ST18: variants seen among roughly 807,000 people sequenced by gnomAD.
The protein encoded by ST18 is suppression of tumorigenicity 18 protein.
Under a neutral mutation model 110.0 loss-of-function variants are expected in ST18, and 50 were observed. The observed-to-expected ratio is 0.45, with a 90% CI of 0.36 to 0.58. ST18 has a LOEUF of 0.58. Among genes scored for constraint, ST18 ranks in the 20% least tolerant of loss-of-function variants. The pLI is 0.00. For missense variants in ST18, 1,306 were observed against 1,280.1 expected (o/e 1.02, Z -0.31); for synonymous variants, 461 against 452.4 (o/e 1.02, Z -0.24).
chr8:52,130,159 G>GAAAGAAAGAAAGAAAGA (rs2048959250), intron 22 of ST18, among the ~76,000 whole-genome samples: 1 of 148,572 alleles, frequency 6.7e-6, no homozygotes, highest in East Asian at 1.9e-4. Context: ...AAGAAAGAAA[G>GAAAGAAAGAAAGAAAGA]AAAGAAAAAG....
intron 2 of ST18, among the ~76,000 whole-genome samples, chr8:52,374,516 C>T (rs112367375): frequency 0.027 from 4,159 of 151,780 alleles, 172 homozygotes; most frequent in African/African-American, 0.093. Context: ...TATTTTATTT[C>T]ATTTCATTTC....
At chr8:52,315,357 A>G (rs1257467849) in intron 2 of ST18, among the ~76,000 whole-genome samples, 1 of 152,164 alleles carries the variant, frequency 6.6e-6, no homozygotes, top group Non-Finnish European at 1.5e-5. Flanking sequence ...TGACCCATCA[A>G]CCTGGGAGGT....
chr8:52,133,514 T>C (rs184682994), intron 19 of ST18, among the ~76,000 whole-genome samples: 4 of 152,226 alleles, frequency 2.6e-5, no homozygotes, highest in African/African-American at 9.6e-5. Context: ...AATTATCTTT[T>C]GGTTAATAAT....
chr8:52,300,442 T>C (rs1053672360), intron 2 of ST18, among the ~76,000 whole-genome samples: 2 of 152,218 alleles, frequency 1.3e-5, no homozygotes, highest in African/African-American at 2.4e-5. Flanking sequence ...CAGAGAATTA[T>C]ATGTAGCTAT....
chr8:52,322,470 T>G (rs959391893), intron 2 of ST18, among the ~76,000 whole-genome samples: 1 of 152,224 alleles, frequency 6.6e-6, no homozygotes, highest in Non-Finnish European at 1.5e-5. Context: ...ACCGACTTGT[T>G]TACATCAGAA....
At chr8:52,343,932 G>T (rs1437754194) in intron 2 of ST18, among the ~76,000 whole-genome samples, 1 of 152,138 alleles carries the variant, frequency 6.6e-6, no homozygotes, top group Non-Finnish European at 1.5e-5. Context: ...AACACACAGT[G>T]TGGCTATGCT....
chr8:52,351,136 A>G (rs1045529284), intron 2 of ST18, among the ~76,000 whole-genome samples: 3 of 152,170 alleles, frequency 2.0e-5, no homozygotes, highest in African/African-American at 7.2e-5. Context: ...ATAAATATCA[A>G]AATATATTTA....
rs10283020 is a variant in ST18 at position 52,268,544 on chromosome 8, A to G, written c.-464-38467T>C. ...CTATCTTACTATCTATCATCTATCTATCTATTTATCTATCTATCATCTATC... is the reference window on the plus strand; with the variant it reads ...CTATCTTACTATCTATCATCTATCTGTCTATTTATCTATCTATCATCTATC... On this transcript the variant is annotated intron_variant, in intron 2 of 25. Transcript: ENST00000689386. Among the ~76,000 whole-genome samples, 1,490 of 150,376 alleles carry G rather than the reference A, an allele frequency of 9.9e-3. 21 individuals carry two copies. The highest frequency in any genetic ancestry group is 0.034 in the African/African-American group (1,402 of 40,694).
chr8:52,305,710 C>T (rs2095801396), intron 2 of ST18, among the ~76,000 whole-genome samples: 1 of 152,168 alleles, frequency 6.6e-6, no homozygotes, highest in Admixed American at 6.5e-5. Context: ...GGTGTATCAG[C>T]AAATCCTCTG....
intron 10 of ST18, among the ~76,000 whole-genome samples, chr8:52,170,132 G>GA (rs1163463947): frequency 3.6e-4 from 55 of 152,158 alleles, no homozygotes; most frequent in Non-Finnish European, 6.9e-4. Context: ...TACTTAGAAA[G>GA]AAAAAAATGA....
rs144303136 is a variant in ST18, at chr8:52,114,786, A to G, written c.3004-1448T>C. Among the ~76,000 whole-genome samples the G allele has an allele frequency of 1.1e-3, 175 of 152,236 alleles. 1 individual carries two copies. The highest frequency in any genetic ancestry group is 2.3e-3 in the Non-Finnish European group (158 of 68,016). On this transcript the variant is annotated intron_variant, in intron 25 of 25. Transcript: ENST00000689386. ...AATTAAGTAAGCTCTCCGAGCCCTGATTTCCTCAACTATGGAATGGGAATA... is the reference window on the plus strand; with the variant it reads ...AATTAAGTAAGCTCTCCGAGCCCTGGTTTCCTCAACTATGGAATGGGAATA...
At chr8:52,342,642 A>G (rs1278003608) in intron 2 of ST18, among the ~76,000 whole-genome samples, 2 of 152,130 alleles carry the variant, frequency 1.3e-5, no homozygotes, top group Non-Finnish European at 2.9e-5. Flanking sequence ...TGCAAGAAGC[A>G]CTCTGATGCA....
rs1302504666 is a variant in ST18 at position 52,396,256 on chromosome 8, A to G, written c.-465+13072T>C. Among the ~76,000 whole-genome samples the G allele has an allele frequency of 7.9e-5, 12 of 152,218 alleles. No homozygotes were observed. The East Asian group carries it at 2.1e-3, about 27-fold the overall frequency. On this transcript the variant is annotated intron_variant, in intron 2 of 25. Transcript: ENST00000689386. ...AGACTTTTTCATTCTACATATGACT[A>G]CTTTATTTTTTTGACCTACATCTCC... is the stretch of plus-strand genomic sequence containing the variant.
At chr8:52,184,254 A>G (rs2071076343) in intron 8 of ST18, among the ~76,000 whole-genome samples, 1 of 152,208 alleles carries the variant, frequency 6.6e-6, no homozygotes, top group South Asian at 2.1e-4. Flanking sequence ...AAGAGAAAAA[A>G]TACACTCAGC....
chr8:52,337,219 A>T (rs750183457), intron 2 of ST18, among the ~76,000 whole-genome samples: 19 of 152,224 alleles, frequency 1.2e-4, no homozygotes, highest in Non-Finnish European at 2.5e-4. Context: ...ACAATGTGAC[A>T]TTTGCCATAA....
intron 16 of ST18, among the ~76,000 whole-genome samples, chr8:52,148,051 C>T (rs894641610): frequency 3.3e-5 from 5 of 151,966 alleles, no homozygotes; most frequent in African/African-American, 9.7e-5. Flanking sequence ...TTAGGTGTAA[C>T]CTCTGTTTTT....
chr8:52,232,821 C>A (rs574668113), intron 2 of ST18, among the ~76,000 whole-genome samples: 1 of 151,488 alleles, frequency 6.6e-6, no homozygotes, highest in Non-Finnish European at 1.5e-5. Flanking sequence ...ATGGAGGGTG[C>A]GTCTCTAAAC....
At chr8:52,205,463 T>C (rs1225923222) in intron 8 of ST18, among the ~76,000 whole-genome samples, 1 of 152,188 alleles carries the variant, frequency 6.6e-6, no homozygotes, top group African/African-American at 2.4e-5. Flanking sequence ...CTTTCCTAGA[T>C]ATTTTAACAT....
chr8:52,117,464 T>C (rs939873642), intron 24 of ST18, among the ~76,000 whole-genome samples: 16 of 152,320 alleles, frequency 1.1e-4, no homozygotes, highest in Non-Finnish European at 1.3e-4. Context: ...AGACTATAAG[T>C]CTCAGGAGGG....
Sources: allele counts gnomAD v4.1 joint callset (sites outside exome capture counted in the v4.1 genomes callset), GRCh38; gene constraint gnomAD v4.1.1; transcripts MANE v1.5; gene names NCBI Gene and HGNC (gene_info 2026-07-23, HGNC 2026-07-21).